Variants in SLX4IP observed in about 807,000 individuals in gnomAD.
The protein encoded by SLX4IP is protein SLX4IP.
SLX4IP carries 34 observed loss-of-function variants against 32.9 expected under a neutral mutation model. The observed-to-expected ratio is 1.03, with a 90% CI of 0.79 to 1.38. The LOEUF (loss-of-function observed/expected upper bound fraction) is 1.38, where lower values mean the gene tolerates loss of function less well. Ranked by LOEUF, SLX4IP falls within the 40% of genes most tolerant of loss-of-function variation. The pLI is 0.00. For missense variants in SLX4IP, 444 were observed against 479.0 expected (o/e 0.93, Z 0.68); for synonymous variants, 172 against 171.7 (o/e 1.00, Z -0.01).
At chr20:10,557,479 A>G (rs1600999099) in intron 3 of SLX4IP, among the ~76,000 whole-genome samples, 2 of 152,214 alleles carry the variant, frequency 1.3e-5, no homozygotes, top group Non-Finnish European at 2.9e-5. Flanking sequence ...TAGCAAGTCA[A>G]TCAACATCTC....
chr20:10,620,715 C>T (rs933638038), intron 6 of SLX4IP, among the ~76,000 whole-genome samples: 4 of 152,048 alleles, frequency 2.6e-5, no homozygotes, highest in Admixed American at 6.5e-5. Context: ...CACCACGTCC[C>T]GCTAGTTTTT....
intron 2 of SLX4IP, among the ~76,000 whole-genome samples, chr20:10,508,359 G>A (rs540570441): frequency 7.1e-4 from 108 of 152,364 alleles, no homozygotes; most frequent in Middle Eastern, 6.8e-3. Flanking sequence ...TCCTGGGTCA[G>A]TTTGTCCTTG....
chr20:10,535,156 C>G (rs1233869901), intron 2 of SLX4IP, among the ~76,000 whole-genome samples: 1 of 152,034 alleles, frequency 6.6e-6, no homozygotes, highest in African/African-American at 2.4e-5. Context: ...GAAGGCCAGG[C>G]TGGAGCAGGT....
At chr20:10,516,767 G>A (rs1006761255) in intron 2 of SLX4IP, among the ~76,000 whole-genome samples, 5 of 152,172 alleles carry the variant, frequency 3.3e-5, no homozygotes, top group Admixed American at 6.5e-5. Context: ...AGTGGGTTAG[G>A]TTGTCTCCAT....
At chr20:10,449,918 G>A (rs1460540822) in intron 1 of SLX4IP, among the ~76,000 whole-genome samples, 1 of 151,136 alleles carries the variant, frequency 6.6e-6, no homozygotes, top group African/African-American at 2.4e-5. Context: ...AATCTACATC[G>A]TAAATGTAGC....
intron 6 of SLX4IP, chr20:10,613,639 G>C: frequency 6.2e-7 from 1 of 1,613,944 alleles, no homozygotes; most frequent in South Asian, 1.1e-5. Context: ...GCCTCTTCCT[G>C]AGCCCTCCTT....
At chr20:10,569,032 A>T (rs1483431630) in intron 4 of SLX4IP, among the ~76,000 whole-genome samples, 1 of 152,198 alleles carries the variant, frequency 6.6e-6, no homozygotes, top group Non-Finnish European at 1.5e-5. Flanking sequence ...TGGAAGATTT[A>T]AAGGATGCAC....
chr20:10,544,225 T>C (rs1171175570), intron 2 of SLX4IP, among the ~76,000 whole-genome samples: 1 of 152,206 alleles, frequency 6.6e-6, no homozygotes, highest in Non-Finnish European at 1.5e-5. Flanking sequence ...TTTCTGTTTC[T>C]TCCTAAGGCT....
chr20:10,484,750 A>G (rs963487676), intron 2 of SLX4IP, among the ~76,000 whole-genome samples: 5 of 152,204 alleles, frequency 3.3e-5, no homozygotes, highest in Admixed American at 2.0e-4. Context: ...TTAGACAACT[A>G]AGTCATACAC....
chr20:10,621,895 C>G (rs995220333), intron 7 of SLX4IP, among the ~76,000 whole-genome samples: 1 of 152,150 alleles, frequency 6.6e-6, no homozygotes, highest in African/African-American at 2.4e-5. Context: ...ATTCACAAAC[C>G]TGTAAATATA....
intron 2 of SLX4IP, among the ~76,000 whole-genome samples, chr20:10,525,115 A>G (rs1291654960): frequency 5.3e-5 from 8 of 152,172 alleles, no homozygotes; most frequent in Non-Finnish European, 2.9e-5. Flanking sequence ...TTACAATCTG[A>G]TCCAGCTTAT....
intron 1 of SLX4IP, among the ~76,000 whole-genome samples, chr20:10,453,257 A>C (rs1300443351): frequency 6.6e-6 from 1 of 151,782 alleles, no homozygotes; most frequent in Non-Finnish European, 1.5e-5. Flanking sequence ...CTTTCCATGT[A>C]CCTGTCCTAA....
At chr20:10,546,854 T>G (rs2066167219) in intron 2 of SLX4IP, among the ~76,000 whole-genome samples, 1 of 152,150 alleles carries the variant, frequency 6.6e-6, no homozygotes, top group South Asian at 2.1e-4. Flanking sequence ...GAAATAATCA[T>G]GTCCTGAAAA....
At chr20:10,596,210 T>C (rs1455105283) in intron 4 of SLX4IP, among the ~76,000 whole-genome samples, 1 of 152,098 alleles carries the variant, frequency 6.6e-6, no homozygotes, top group Non-Finnish European at 1.5e-5. Context: ...CAACTTCAGA[T>C]TTTGCCCCTT....
At chr20:10,439,026 C>T (rs1213423717) in intron 1 of SLX4IP, among the ~76,000 whole-genome samples, 3 of 151,670 alleles carry the variant, frequency 2.0e-5, no homozygotes, top group Non-Finnish European at 4.4e-5. Flanking sequence ...TTTTGAGAAC[C>T]GTCTTTGTTG....
At chr20:10,536,038 C>G (rs2066040194) in intron 2 of SLX4IP, among the ~76,000 whole-genome samples, 1 of 152,160 alleles carries the variant, frequency 6.6e-6, no homozygotes. Flanking sequence ...CCAAGGGAGT[C>G]CGAAAAGTCA....
At chr20:10,580,379 T>C (rs1161201610) in intron 4 of SLX4IP, among the ~76,000 whole-genome samples, 1 of 151,998 alleles carries the variant, frequency 6.6e-6, no homozygotes, top group Non-Finnish European at 1.5e-5. Context: ...TGCCCTCCGC[T>C]TCTCAGTCCC....
At chr20:10,622,320 GA>G (rs33940544) in intron 7 of SLX4IP, among the ~76,000 whole-genome samples, 90,782 of 151,082 alleles carry the variant, frequency 0.6, 27,578 homozygotes, top group South Asian at 0.76. Flanking sequence ...TCTACTCCTG[GA>G]AAAAAAAAAT....
At chr20:10,524,714 G>A (rs1435985120) in intron 2 of SLX4IP, among the ~76,000 whole-genome samples, 1 of 152,200 alleles carries the variant, frequency 6.6e-6, no homozygotes. Flanking sequence ...TGTCAAGAAG[G>A]AGGACTGGGC....
Sources: allele counts gnomAD v4.1 joint callset (sites outside exome capture counted in the v4.1 genomes callset), GRCh38; gene constraint gnomAD v4.1.1; transcripts MANE v1.5; gene names NCBI Gene and HGNC (gene_info 2026-07-23, HGNC 2026-07-21).